Variants in AGMO observed in about 807,000 individuals in gnomAD.
AGMO encodes the protein glyceryl-ether monooxygenase.
Under a neutral mutation model 60.2 loss-of-function variants are expected in AGMO, and 75 were observed. That is an observed-to-expected ratio of 1.25 (90% CI 1.03 to 1.51). The LOEUF (loss-of-function observed/expected upper bound fraction) is 1.51, where lower values mean the gene tolerates loss of function less well. Ranked by LOEUF, AGMO falls within the 40% of genes most tolerant of loss-of-function variation. The probability of loss-of-function intolerance (pLI) is 0.00; values close to 1 mark genes in which losing one functional copy is unlikely to be tolerated. For synonymous variants in AGMO, 261 were observed against 177.1 expected, an observed-to-expected ratio of 1.47 and a Z score of -3.76; for missense variants, 763 against 525.5, an observed-to-expected ratio of 1.45 and a Z score of -4.42.
At chr7:15,503,668 T>C (rs1783442818) in intron 3 of AGMO, among the ~76,000 whole-genome samples, 2 of 152,094 alleles carry the variant, frequency 1.3e-5, no homozygotes, top group African/African-American at 4.8e-5. Context: ...CATTTATTGA[T>C]GTATTAACAT....
At chr7:15,396,115 G>T (rs139799352) in intron 5 of AGMO, 1 of 152,266 alleles carries the variant, frequency 6.6e-6, no homozygotes, top group South Asian at 2.1e-4. Flanking sequence ...ATTTCAGAAC[G>T]GACAGAAATA....
chr7:15,206,038 A>C (rs188053291), intron 12 of AGMO, among the ~76,000 whole-genome samples: 10 of 152,258 alleles, frequency 6.6e-5, no homozygotes, highest in African/African-American at 2.2e-4. Flanking sequence ...ACACTTTTTA[A>C]CACAATGTTT....
chr7:15,508,677 A>G (rs1342011110), intron 3 of AGMO, among the ~76,000 whole-genome samples: 1 of 152,074 alleles, frequency 6.6e-6, no homozygotes, highest in Non-Finnish European at 1.5e-5. Flanking sequence ...CACTGCGCAC[A>G]GTGGGAGATA....
intron 12 of AGMO, among the ~76,000 whole-genome samples, chr7:15,288,444 T>C (rs995910068): frequency 6.6e-6 from 1 of 152,200 alleles, no homozygotes; most frequent in Non-Finnish European, 1.5e-5. Flanking sequence ...TAACTTATGA[T>C]ATTATGAATC....
intron 3 of AGMO, among the ~76,000 whole-genome samples, chr7:15,443,432 G>C (rs1781616697): frequency 6.6e-6 from 1 of 152,150 alleles, no homozygotes; most frequent in Non-Finnish European, 1.5e-5. Flanking sequence ...AACTTTTCTT[G>C]TTTCAATACT....
intron 2 of AGMO, 127 bp downstream of exon 2, chr7:15,560,014 A>T (rs1785259548): frequency 2.3e-6 from 2 of 876,582 alleles, no homozygotes; most frequent in Non-Finnish European, 3.3e-6. Flanking sequence ...TTAAATAATG[A>T]CATGAACTGA....
intron 3 of AGMO, among the ~76,000 whole-genome samples, chr7:15,467,578 T>C (rs1782328197): frequency 6.6e-6 from 1 of 152,164 alleles, no homozygotes. Flanking sequence ...GGGAATTTAA[T>C]AATAGCAGGA....
At chr7:15,167,791 C>G in the AGMO span, among the ~76,000 whole-genome samples, 5 of 152,274 alleles carry the variant, frequency 3.3e-5, no homozygotes, top group African/African-American at 4.8e-5. Flanking sequence ...AATTCCAAAT[C>G]CTGCACTTTT....
At chr7:15,220,414 T>G (rs1022597264) in intron 12 of AGMO, among the ~76,000 whole-genome samples, 2 of 151,474 alleles carry the variant, frequency 1.3e-5, no homozygotes, top group African/African-American at 4.9e-5. Flanking sequence ...AGACTGGGTT[T>G]CAATGTGTTT....
chr7:15,324,381 T>C (rs1050188522), intron 12 of AGMO, among the ~76,000 whole-genome samples: 3 of 152,314 alleles, frequency 2.0e-5, no homozygotes, highest in Middle Eastern at 3.4e-3. Context: ...TGATGTTCTA[T>C]CTTTTAAAGC....
At chr7:15,241,250 G>C (rs1227088418) in intron 12 of AGMO, among the ~76,000 whole-genome samples, 14 of 151,616 alleles carry the variant, frequency 9.2e-5, no homozygotes, top group Non-Finnish European at 1.9e-4. Flanking sequence ...CACGAGGTCA[G>C]GAGATCGAGA....
At chr7:15,135,150 AT>A in the AGMO span, among the ~76,000 whole-genome samples, 1 of 126,020 alleles carries the variant, frequency 7.9e-6, no homozygotes, top group African/African-American at 3.0e-5. Context: ...ATCAAAATTT[AT>A]TTATATGAGT....
chr7:15,325,264 T>G (rs1027977128), intron 12 of AGMO, among the ~76,000 whole-genome samples: 16 of 152,240 alleles, frequency 1.1e-4, no homozygotes, highest in African/African-American at 3.8e-4. Flanking sequence ...TGGAAGGCAT[T>G]AAAGGCTAAT....
At chr7:15,427,376 C>T (rs1219776963) in intron 4 of AGMO, among the ~76,000 whole-genome samples, 4 of 152,146 alleles carry the variant, frequency 2.6e-5, no homozygotes, top group African/African-American at 9.7e-5. Context: ...TCCCCTATTG[C>T]TAACACATTG....
intron 12 of AGMO, among the ~76,000 whole-genome samples, chr7:15,285,063 T>C (rs899288733): frequency 1.3e-5 from 2 of 151,806 alleles, no homozygotes; most frequent in African/African-American, 4.8e-5. Context: ...AAACTAGCCA[T>C]AGTAGGGGCA....
At chr7:15,452,842 A>C (rs894474154) in intron 3 of AGMO, among the ~76,000 whole-genome samples, 6 of 152,226 alleles carry the variant, frequency 3.9e-5, no homozygotes, top group Non-Finnish European at 8.8e-5. Flanking sequence ...TGTCCATGAT[A>C]AATGGATAAA....
intron 12 of AGMO, among the ~76,000 whole-genome samples, chr7:15,327,797 C>T (rs1324574696): frequency 1.5e-5 from 2 of 137,134 alleles, no homozygotes; most frequent in Non-Finnish European, 1.5e-5. Flanking sequence ...ACCCAGGCTG[C>T]CAGGCTAGAG....
chr7:15,431,177 A>C (rs964393926), intron 3 of AGMO, 69 bp from the exon 4 acceptor site: 15 of 1,087,056 alleles, frequency 1.4e-5, no homozygotes, highest in Non-Finnish European at 2.1e-5. Context: ...TCAGTTATGC[A>C]TGCTGCTCTG....
At chr7:15,299,130 G>T in intron 12 of AGMO, among the ~76,000 whole-genome samples, 1 of 152,078 alleles carries the variant, frequency 6.6e-6, no homozygotes, top group East Asian at 1.9e-4. Context: ...AGGTTAGCTA[G>T]AACTAAAATT....
Sources: gnomAD v4.1 joint callset for allele counts (sites outside exome capture counted in the v4.1 genomes callset) on GRCh38, gnomAD v4.1.1 for gene constraint, MANE v1.5 for transcripts, NCBI Gene and HGNC (gene_info 2026-07-23, HGNC 2026-07-21) for gene names.